TMEM67: variants seen among roughly 807,000 people sequenced by gnomAD.
TMEM67 encodes transmembrane protein 67, also known as meckelin.
A neutral mutation model predicts 136.6 loss-of-function variants in TMEM67; 124 were observed. The ratio of observed to expected loss-of-function variants is 0.91; its 90% CI spans 0.78 to 1.05. TMEM67 has a LOEUF of 1.05. Ranked by LOEUF, TMEM67 falls within the 50% of genes least tolerant of loss-of-function variation. The pLI is 0.00. For synonymous variants in TMEM67, 364 were observed against 390.5 expected (o/e 0.93, Z 0.80); for missense variants, 1,107 against 1,178.4 (o/e 0.94, Z 0.89).
intron 7 of TMEM67, among the ~76,000 whole-genome samples, chr8:93,780,365 A>G (rs1813759528): frequency 1.3e-5 from 2 of 151,970 alleles, no homozygotes; most frequent in African/African-American, 4.8e-5. Flanking sequence ...CTTGCCCTCC[A>G]TGGGCTGCAC....
downstream of TMEM67, among the ~76,000 whole-genome samples, chr8:93,820,478 C>T (rs1280181229): frequency 6.6e-6 from 1 of 152,180 alleles, no homozygotes; most frequent in Non-Finnish European, 1.5e-5. Flanking sequence ...CAAGAAAATA[C>T]ATTGCCCCAC....
At chr8:93,757,533 G>A (rs1181180285) in intron 2 of TMEM67, among the ~76,000 whole-genome samples, 8 of 151,864 alleles carry the variant, frequency 5.3e-5, no homozygotes, top group Non-Finnish European at 7.4e-5. Flanking sequence ...CTACTCGGGA[G>A]GCTGAGGCAG....
intron 12 of TMEM67, 87 bp from the exon 13 acceptor site, chr8:93,786,136 T>C: frequency 7.7e-7 from 1 of 1,306,174 alleles, no homozygotes; most frequent in Non-Finnish European, 1.1e-6. Flanking sequence ...TTTCTTATAC[T>C]AGTAGCTTTT....
At chr8:93,821,479 A>G (rs1809040189), downstream of TMEM67, among the ~76,000 whole-genome samples, 1 of 152,100 alleles carries the variant, frequency 6.6e-6, no homozygotes, top group Non-Finnish European at 1.5e-5. Context: ...ACAGAGTCTC[A>G]TTATGTTGCC....
intron 6 of TMEM67, among the ~76,000 whole-genome samples, chr8:93,767,784 T>C (rs1301543283): frequency 6.6e-6 from 1 of 150,950 alleles, no homozygotes; most frequent in African/African-American, 2.4e-5. Flanking sequence ...TACTTTATGG[T>C]ACAACAAGAT....
At chr8:93,832,266 G>A in the TMEM67 span, among the ~76,000 whole-genome samples, 1 of 152,210 alleles carries the variant, frequency 6.6e-6, no homozygotes, top group Non-Finnish European at 1.5e-5. Context: ...TTGCTTTGAA[G>A]CACACTGTTT....
At chr8:93,815,776 C>A (rs1285309175) in intron 27 of TMEM67, among the ~76,000 whole-genome samples, 1 of 152,090 alleles carries the variant, frequency 6.6e-6, no homozygotes, top group Non-Finnish European at 1.5e-5. Flanking sequence ...CCTCTCCAGA[C>A]GTTAAGTAAC....
downstream of TMEM67, among the ~76,000 whole-genome samples, chr8:93,820,157 G>A (rs1433955185): frequency 6.6e-6 from 1 of 152,124 alleles, no homozygotes; most frequent in East Asian, 1.9e-4. Flanking sequence ...CTGGCTCCTG[G>A]TGCTCCTGCC....
chr8:93,779,347 C>T (rs932010779), intron 7 of TMEM67, among the ~76,000 whole-genome samples: 3 of 152,188 alleles, frequency 2.0e-5, no homozygotes, highest in Admixed American at 6.5e-5. Context: ...CCTTCTGAAG[C>T]GTACTTCTGT....
intron 11 of TMEM67, 29 bp from the exon 12 acceptor site, chr8:93,785,193 G>A (rs1359415598): frequency 4.4e-6 from 6 of 1,362,136 alleles, no homozygotes; most frequent in South Asian, 2.4e-5. Context: ...GCTGTTTTAT[G>A]TGCTTTTATT....
chr8:93,781,094 A>G, intron 9 of TMEM67, 112 bp downstream of exon 9: 3 of 735,104 alleles, frequency 4.1e-6, no homozygotes, highest in South Asian at 1.5e-5. Flanking sequence ...CTCAGTTACT[A>G]AACTAAATAT....
intron 3 of TMEM67, 37 bp from the exon 4 acceptor site, chr8:93,763,805 A>G (rs373827293): frequency 4.0e-5 from 54 of 1,364,498 alleles, no homozygotes; most frequent in Non-Finnish European, 5.1e-5. Flanking sequence ...TATGTTTACT[A>G]TGAGTTACAT....
chr8:93,818,362 A>C (rs1274681780), downstream of TMEM67, among the ~76,000 whole-genome samples: 3 of 152,192 alleles, frequency 2.0e-5, no homozygotes, highest in Non-Finnish European at 4.4e-5. Context: ...CCTTAGAAAC[A>C]TACAGGCCCC....
chr8:93,791,032 T>C (rs1814351548), intron 14 of TMEM67, among the ~76,000 whole-genome samples: 1 of 152,212 alleles, frequency 6.6e-6, no homozygotes, highest in Admixed American at 6.5e-5. Context: ...ATTTAACTTA[T>C]CTCCTAATGA....
In TMEM67 at chr8:93,815,397, G is replaced by T; in HGVS notation, c.2857G>T (p.Ala953Ser). The T allele has an allele frequency of 6.2e-7, 1 of 1,612,942 alleles. No individual in the cohort carries two copies. ...GCTGTTCTTCTGTGTTGTGGATTTGGCTTGCCAAAATTTTATTTTAGCATC... is the reference window on the plus strand; with the variant it reads ...GCTGTTCTTCTGTGTTGTGGATTTGTCTTGCCAAAATTTTATTTTAGCATC... ...DLLFFCVVDL[A>S]CQNFILASFL... Residue 953 changes from alanine (A) to serine (S), a missense_variant, in exon 27 of 28, where the codon GCT (alanine) becomes TCT (serine). Transcript: ENST00000453321.
chr8:93,826,533 C>T, the TMEM67 span, among the ~76,000 whole-genome samples: 1 of 152,134 alleles, frequency 6.6e-6, no homozygotes, highest in Admixed American at 6.5e-5. Context: ...AGGTTAGATA[C>T]ATGTTTAATT....
chr8:93,801,050 G>C (rs1416279513), intron 21 of TMEM67, among the ~76,000 whole-genome samples: 1 of 151,740 alleles, frequency 6.6e-6, no homozygotes, highest in Non-Finnish European at 1.5e-5. Context: ...AGAAGCAGCA[G>C]CAAGCATCTA....
In TMEM67 at chr8:93,795,524, A is replaced by G; in HGVS notation, c.1773+17A>G. On this transcript the variant is annotated intron_variant, in intron 17 of 27. Transcript: ENST00000453321. ...TTCTTCAAAGTGAGTGAGTTTCTGA[A>G]TTTTCCCCAACTGCCAATATCTGAA... 2.5e-6 allele frequency: 4 copies of G among 1,584,270 alleles called. No homozygotes were observed. The highest frequency in any genetic ancestry group is 3.5e-6 in the Non-Finnish European group (4 of 1,153,102).
In TMEM67 at chr8:93,786,312, A is replaced by G; in HGVS notation, c.1378A>G (p.Arg460Gly). Residue 460 changes from arginine (R) to glycine (G), a missense_variant, in exon 13 of 28, where the codon AGA becomes GGA. Transcript: ENST00000453321. ...AGAAAATGACTTAGGAACTCAGCCAAGAGTAATTCGAGTTGCTACTCAAAT... is the reference window on the plus strand; with the variant it reads ...AGAAAATGACTTAGGAACTCAGCCAGGAGTAATTCGAGTTGCTACTCAAAT... Reference protein sequence around the residue: ...GRENDLGTQPRVIRVATQISL... With the variant: ...GRENDLGTQPGVIRVATQISL... 6.2e-7 allele frequency: 1 copy of G among 1,614,136 alleles called. No homozygotes were observed. Among genetic ancestry groups the G allele is most frequent in the Non-Finnish European group, 8.5e-7 (1 of 1,179,986 alleles).
Sources: allele counts gnomAD v4.1 joint callset (sites outside exome capture counted in the v4.1 genomes callset), GRCh38; gene constraint gnomAD v4.1.1; transcripts MANE v1.5; gene names NCBI Gene and HGNC (gene_info 2026-07-23, HGNC 2026-07-21).